The following C21orf91 variants were observed in gnomAD, a reference collection of about 807,000 sequenced individuals.
The protein encoded by C21orf91 is chromosome 21 open reading frame 91, also known as protein EURL homolog.
C21orf91 carries 26 observed loss-of-function variants against 32.9 expected under a neutral mutation model. That is an observed-to-expected ratio of 0.79 (90% CI 0.58 to 1.10). The LOEUF (loss-of-function observed/expected upper bound fraction) is 1.10. C21orf91 is among the 50% of genes least tolerant of loss of function. The pLI is 0.00. For missense variants in C21orf91, 310 were observed against 341.3 expected, an observed-to-expected ratio of 0.91 and a Z score of 0.72; for synonymous variants, 126 against 120.4, an observed-to-expected ratio of 1.05 and a Z score of -0.31.
intron 2 of C21orf91, among the ~76,000 whole-genome samples, chr21:17,815,848 C>CGGGGTTT (rs1568757795): frequency 2.6e-5 from 4 of 152,088 alleles, no homozygotes; most frequent in African/African-American, 9.7e-5. Flanking sequence ...TTAGTAGAGA[C>CGGGGTTT]GGGGTTTCTC....
chr21:17,797,124 G>GA lies in C21orf91; in HGVS notation c.128-7dup, dbSNP rs760182694. 6.1e-5 allele frequency: 93 copies of GA among 1,534,560 alleles called. No homozygotes were observed. The highest frequency in any genetic ancestry group is 8.7e-5 in the South Asian group (7 of 80,628). On this transcript the variant is annotated splice_region_variant and splice_polypyrimidine_tract_variant and intron_variant, in intron 2 of 4. Coordinates refer to ENST00000284881, the MANE Select transcript of C21orf91 (RefSeq NM_001100420.2). ...GAGATCAGACTTTGGTACCCCTATG[G>GA]AAAAAAAAGAGAAACAAAAGACTTG...
At chr21:17,794,769 TAGAAA>T (rs2062505406) in intron 4 of C21orf91, among the ~76,000 whole-genome samples, 1 of 152,038 alleles carries the variant, frequency 6.6e-6, no homozygotes, top group Admixed American at 6.6e-5. Context: ...CATTTTCACT[TAGAAA>T]AGAAAAATGT....
At chr21:17,801,367 T>C (rs1278574530) in intron 2 of C21orf91, among the ~76,000 whole-genome samples, 2 of 151,692 alleles carry the variant, frequency 1.3e-5, no homozygotes, top group East Asian at 3.9e-4. Context: ...GCCTCCCAGG[T>C]TCATGTCATT....
chr21:17,814,727 T>C (rs895502576), intron 2 of C21orf91, among the ~76,000 whole-genome samples: 2 of 152,168 alleles, frequency 1.3e-5, no homozygotes, highest in African/African-American at 4.8e-5. Flanking sequence ...AGAACAGCAC[T>C]GAGGGGATGG....
intron 2 of C21orf91, among the ~76,000 whole-genome samples, chr21:17,806,913 T>C (rs2062599224): frequency 6.6e-6 from 1 of 151,984 alleles, no homozygotes; most frequent in Non-Finnish European, 1.5e-5. Flanking sequence ...ACAGAGGCTG[T>C]AAGAAGTGTG....
chr21:17,797,090 G>A lies in C21orf91; in HGVS notation c.156C>T (p.Thr52=), dbSNP rs763970150. The change falls in exon 3 of 5, where the codon ACC becomes ACT. Residue 52 remains threonine (T), a synonymous_variant. Coordinates refer to ENST00000284881, the MANE Select transcript of C21orf91 (RefSeq NM_001100420.2). ...EGVPKSDLLH[T]KSLRGHKDCF... is the part of the protein sequence containing the mutation. ...AGTCTTTATGGCCCCTTAATGATTT[G>A]GTGTGCAAGAGATCAGACTTTGGTA... The A allele has an allele frequency of 1.9e-6, 3 of 1,602,450 alleles. No homozygotes were observed. The South Asian group carries it at 3.3e-5, about 18-fold the overall frequency.
chr21:17,807,805 T>G (rs1048245073), intron 2 of C21orf91, among the ~76,000 whole-genome samples: 1 of 152,222 alleles, frequency 6.6e-6, no homozygotes, highest in African/African-American at 2.4e-5. Flanking sequence ...TGATTTAGGC[T>G]ATCTGGTGGA....
chr21:17,798,529 T>A (rs919077735), intron 2 of C21orf91, among the ~76,000 whole-genome samples: 1 of 152,186 alleles, frequency 6.6e-6, no homozygotes, highest in African/African-American at 2.4e-5. Flanking sequence ...CCTTGTTTTT[T>A]CCAATGAGTA....
intron 2 of C21orf91, among the ~76,000 whole-genome samples, chr21:17,798,746 T>C (rs987712963): frequency 6.6e-6 from 1 of 152,180 alleles, no homozygotes; most frequent in African/African-American, 2.4e-5. Flanking sequence ...GAAACTGACA[T>C]AAAAAGGAAG....
intron 2 of C21orf91, among the ~76,000 whole-genome samples, chr21:17,805,832 T>TA (rs2062590468): frequency 1.3e-5 from 2 of 152,158 alleles, no homozygotes. Context: ...ACATTTATTC[T>TA]AAAAAAATTT....
chr21:17,792,345 A>G lies in C21orf91; in HGVS notation c.*1070T>C, dbSNP rs2062481783. ...GTAGAACAATCCTATATTTCTCTAT[A>G]GAGTCTAAAGTTTAGAAAAATACCT... On this transcript the variant is annotated 3_prime_UTR_variant, in exon 5 of 5. Transcript: ENST00000284881. 1 of 152,138 alleles carries G rather than the reference A, an allele frequency of 6.6e-6. No individual in the cohort carries two copies. The allele number at this position is 152,138 out of a possible 1,614,324, so 9.4% of individuals were successfully genotyped here. A position where few individuals can be genotyped will look rare whatever the true frequency, so the allele number is the denominator to read the frequency against.
intron 2 of C21orf91, among the ~76,000 whole-genome samples, chr21:17,806,260 G>C (rs191255230): frequency 6.6e-6 from 1 of 152,330 alleles, no homozygotes; most frequent in East Asian, 1.9e-4. Flanking sequence ...ATAGCTAGGT[G>C]ATCGCTGGTG....
intron 4 of C21orf91, among the ~76,000 whole-genome samples, chr21:17,794,188 G>A (rs934949104): frequency 6.6e-6 from 1 of 152,140 alleles, no homozygotes. Context: ...AGGCTGTGTG[G>A]TTAAGCTTTG....
chr21:17,797,635 AAACT>A (rs2062529828), intron 2 of C21orf91, among the ~76,000 whole-genome samples: 2 of 151,536 alleles, frequency 1.3e-5, no homozygotes, highest in Non-Finnish European at 2.9e-5. Context: ...AAAATTCAAT[AAACT>A]ATTTAGATTT....
At chr21:17,802,201 C>G (rs2062566490) in intron 2 of C21orf91, among the ~76,000 whole-genome samples, 3 of 152,304 alleles carry the variant, frequency 2.0e-5, no homozygotes, top group Non-Finnish European at 4.4e-5. Context: ...CGCCTTGTTG[C>G]CCGGGCTGAA....
At chr21:17,798,896 C>A (rs765864470) in intron 2 of C21orf91, among the ~76,000 whole-genome samples, 22 of 152,126 alleles carry the variant, frequency 1.4e-4, no homozygotes, top group Non-Finnish European at 2.1e-4. Context: ...TTCTGGGAAA[C>A]ACTGGTATGC....
rs1264400822 is a variant in C21orf91 at position 17,792,569 on chromosome 21, T to C, written c.*846A>G. ...TGGAAGTGAGGCTTGACTTACTCTG[T>C]CCAAATTCTAATGCATCACAGTCAC... On this transcript the variant is annotated 3_prime_UTR_variant, in exon 5 of 5. Coordinates refer to ENST00000284881, the MANE Select transcript of C21orf91 (RefSeq NM_001100420.2). The C allele has an allele frequency of 6.6e-6, 1 of 152,144 alleles. No homozygotes were observed. The highest frequency in any genetic ancestry group is 1.5e-5 in the Non-Finnish European group (1 of 68,002). 9.4% of individuals were successfully genotyped at this position (152,144 alleles called of 1,614,324 possible). A position where few individuals can be genotyped will look rare whatever the true frequency, so the allele number is the denominator to read the frequency against.
At chr21:17,807,655 C>T (rs571954556) in intron 2 of C21orf91, among the ~76,000 whole-genome samples, 160 of 152,210 alleles carry the variant, frequency 1.1e-3, no homozygotes, top group Non-Finnish European at 1.9e-3. Flanking sequence ...ACAATGAAGT[C>T]CAGTAGTAGG....
chr21:17,794,443 A>C (rs536980869), intron 4 of C21orf91, among the ~76,000 whole-genome samples: 3 of 152,322 alleles, frequency 2.0e-5, no homozygotes, highest in Admixed American at 1.3e-4. Context: ...AGGAAATCCT[A>C]AACTATTTAT....
Sources: gnomAD v4.1 joint callset for allele counts (sites outside exome capture counted in the v4.1 genomes callset) on GRCh38, gnomAD v4.1.1 for gene constraint, MANE v1.5 for transcripts, NCBI Gene and HGNC (gene_info 2026-07-23, HGNC 2026-07-21) for gene names.